The following NAAA variants were observed in gnomAD, a reference collection of about 807,000 sequenced individuals.
The protein encoded by NAAA is N-acylethanolamine acid amidase, also known as N-acylethanolamine-hydrolyzing acid amidase.
In NAAA, 39 loss-of-function variants were observed where a neutral mutation model predicts 44.8. That is an observed-to-expected ratio of 0.87 (90% CI 0.67 to 1.14). The LOEUF (loss-of-function observed/expected upper bound fraction) is 1.14, where lower values mean the gene tolerates loss of function less well. Among genes scored for constraint, NAAA ranks in the 50% most tolerant of loss-of-function variants. The probability of loss-of-function intolerance (pLI) is 0.00; values close to 1 mark genes in which losing one functional copy is unlikely to be tolerated. For missense variants in NAAA, 460 were observed against 467.8 expected (o/e 0.98, Z 0.15); for synonymous variants, 178 against 191.3 (o/e 0.93, Z 0.58).
chr4:75,938,751 C>T (rs893286694), intron 2 of NAAA, among the ~76,000 whole-genome samples: 1 of 152,258 alleles, frequency 6.6e-6, no homozygotes, highest in African/African-American at 2.4e-5. Context: ...CAAAACCTCT[C>T]TTTATTCCAG....
chr4:75,924,962 C>T (rs1214887573), intron 5 of NAAA, among the ~76,000 whole-genome samples: 1 of 152,004 alleles, frequency 6.6e-6, no homozygotes, highest in Non-Finnish European at 1.5e-5. Flanking sequence ...GCCCCTGTCT[C>T]CCTGTCTCTG....
At chr4:75,930,560 T>C (rs1727139059) in intron 4 of NAAA, 1 of 497,600 alleles carries the variant, frequency 2.0e-6, no homozygotes, top group East Asian at 5.5e-5. Context: ...CAGCATCATA[T>C]ATCCCCTAGA....
intron 9 of NAAA, chr4:75,916,995 G>A (rs1725685201): frequency 2.6e-6 from 1 of 387,806 alleles, no homozygotes; most frequent in African/African-American, 2.2e-5. Context: ...GGCCAGGCTG[G>A]TCTCGAACTC....
intron 9 of NAAA, chr4:75,917,515 A>T (rs961444693): frequency 6.4e-6 from 1 of 157,448 alleles, no homozygotes; most frequent in Non-Finnish European, 1.4e-5. Context: ...CCCAGGCTAG[A>T]CTGCCATGGC....
Position 75,936,137 on chromosome 4 carries a change from A to G in NAAA, c.470T>C (p.Val157Ala). 1.2e-6 allele frequency: 2 copies of G among 1,614,086 alleles called. No homozygotes were observed. The highest frequency in any genetic ancestry group is 1.7e-6 in the Non-Finnish European group (2 of 1,180,000). The change falls in exon 3 of 11, where the codon GTG becomes GCG. Residue 157 changes from valine to alanine, a missense_variant. Coordinates refer to ENST00000286733, the MANE Select transcript of NAAA (RefSeq NM_014435.4). ...CCCATTCTTTAAGAATTGCACATCCACTGTCAGCTTGCGTAAGACATTCCC... is the reference window on the plus strand; with the variant it reads ...CCCATTCTTTAAGAATTGCACATCCGCTGTCAGCTTGCGTAAGACATTCCC... ...PFGNVLRKLT[V>A]DVQFLKNGQI...
chr4:75,933,705 A>G (rs1379755898), intron 3 of NAAA, among the ~76,000 whole-genome samples: 1 of 152,132 alleles, frequency 6.6e-6, no homozygotes, highest in East Asian at 1.9e-4. Flanking sequence ...CTGCCTAGTC[A>G]GTTAACATAA....
Position 75,913,749 on chromosome 4 carries a change from ATAT to A in NAAA, c.*623_*625del, listed in dbSNP as rs1560495425. 1 of 982,016 alleles carries A rather than the reference ATAT, an allele frequency of 1.0e-6. No individual in the cohort carries two copies. The highest frequency in any genetic ancestry group is 1.2e-6 in the Non-Finnish European group (1 of 826,984). 60.8% of individuals were successfully genotyped at this position (982,016 alleles called of 1,614,324 possible). A position where few individuals can be genotyped will look rare whatever the true frequency, so the allele number is the denominator to read the frequency against. ...TGACATTAAGAAATAATTTGGTTGC[ATAT>A]TATTTTCAAAAAGCAGTAAGAAAGT... On this transcript the variant is annotated 3_prime_UTR_variant, in exon 11 of 11. Transcript: ENST00000286733.
rs550070850 is a variant in NAAA at position 75,935,707 on chromosome 4, T to C, written c.498+402A>G. 6 of 215,854 alleles carry C rather than the reference T, an allele frequency of 2.8e-5. No homozygotes were observed. In the South Asian group the frequency reaches 4.1e-4, roughly 15 times the overall value. 13.4% of individuals were successfully genotyped at this position (215,854 alleles called of 1,614,324 possible). On this transcript the variant is annotated intron_variant, in intron 3 of 10. Transcript: ENST00000286733. The stretch of plus-strand genomic sequence containing the variant: ...TTCACAAAGGAAGTACAGTAATTGA[T>C]AGAATCAAGATTTAAACCTGGGACT...
chr4:75,922,965 C>A, intron 5 of NAAA, among the ~76,000 whole-genome samples: 1 of 141,772 alleles, frequency 7.1e-6, no homozygotes, highest in South Asian at 2.1e-4. Context: ...AGTGCAAATG[C>A]ATCTATCTCA....
chr4:75,921,119 A>G lies in NAAA; in HGVS notation c.671T>C (p.Leu224Pro), dbSNP rs1369003169. 1.9e-6 allele frequency: 3 copies of G among 1,577,898 alleles called. No homozygotes were observed. The highest frequency in any genetic ancestry group is 2.6e-6 in the Non-Finnish European group (3 of 1,167,528). ...TGCTTCGAAGTTTTCCGACTCACTC[A>G]GGGTCTGAACGAAAGGATGAACTTG... is the stretch of plus-strand genomic sequence containing the variant. ...IPVSWLIRAT[L>P]SESENFEAAV... Residue 224 changes from leucine to proline, a missense_variant, in exon 6 of 11, where the codon CTG (leucine) becomes CCG (proline). Leu to Pro is a moderately conservative substitution (Grantham distance 98). Transcript: ENST00000286733.
intron 5 of NAAA, among the ~76,000 whole-genome samples, chr4:75,922,035 A>G (rs1302172219): frequency 2.0e-5 from 3 of 152,152 alleles, no homozygotes; most frequent in African/African-American, 7.2e-5. Flanking sequence ...CTCTGCTGCC[A>G]TGTTTTAAAG....
rs1028895990 is a variant in NAAA, at chr4:75,918,940, C to A, written c.970-151G>T. The A allele has an allele frequency of 1.7e-4, 114 of 674,246 alleles. No homozygotes were observed. In the East Asian group the frequency reaches 3.1e-3, roughly 18 times the overall value. The allele number at this position is 674,246 out of a possible 1,614,324, so 41.8% of individuals were successfully genotyped here. Reference sequence around the variant, plus strand: ...GGAGGATTACTCAAGCCCAGGAGTTCAAGACCAGCCTGGGCAACATAGAGA... The same window carrying A: ...GGAGGATTACTCAAGCCCAGGAGTTAAAGACCAGCCTGGGCAACATAGAGA... On this transcript the variant is annotated intron_variant, in intron 8 of 10. Transcript: ENST00000286733.
rs1288535948 is a variant in NAAA, at chr4:75,913,979, A to T, written c.*396T>A. 2 of 985,328 alleles carry T rather than the reference A, an allele frequency of 2.0e-6. No homozygotes were observed. Among genetic ancestry groups the T allele is most frequent in the Non-Finnish European group, 2.4e-6 (2 of 829,952 alleles). The allele number at this position is 985,328 out of a possible 1,614,324, so 61.0% of individuals were successfully genotyped here. A position where few individuals can be genotyped will look rare whatever the true frequency, so the allele number is the denominator to read the frequency against. On this transcript the variant is annotated 3_prime_UTR_variant, in exon 11 of 11. Transcript: ENST00000286733. ...GCTCTTTCAGAAGCACTTCACAATG[A>T]ACAGAGGTCTTGCCAGCTCATTTCA...
chr4:75,941,000 C>T lies in NAAA; in HGVS notation c.-51G>A. On this transcript the variant is annotated 5_prime_UTR_variant, in exon 1 of 11. Coordinates refer to ENST00000286733, the MANE Select transcript of NAAA (RefSeq NM_014435.4). ...TGGAGACCTGCAGCCGCTGTCGGAGCCCGGGTAAGCCGTGGAGGAGGAGGA... is the reference window on the plus strand; with the variant it reads ...TGGAGACCTGCAGCCGCTGTCGGAGTCCGGGTAAGCCGTGGAGGAGGAGGA... The T allele has an allele frequency of 1.4e-6, 2 of 1,419,588 alleles. No homozygotes were observed. Among genetic ancestry groups the T allele is most frequent in the East Asian group, 5.8e-5 (2 of 34,552 alleles). The allele number at this position is 1,419,588 out of a possible 1,614,324, so 87.9% of individuals were successfully genotyped here.
At chr4:75,935,087 T>A (rs1272857385) in intron 3 of NAAA, 1 of 152,240 alleles carries the variant, frequency 6.6e-6, no homozygotes, top group Non-Finnish European at 1.5e-5. Flanking sequence ...TCGTTACCAC[T>A]TAAAATCATT....
At position 75,941,000 on chromosome 4, in the gene NAAA, C is replaced by CGG; in HGVS notation, c.-52_-51insCC. On this transcript the variant is annotated 5_prime_UTR_variant, in exon 1 of 11. Transcript: ENST00000286733. ...TGGAGACCTGCAGCCGCTGTCGGAGCCCGGGTAAGCCGTGGAGGAGGAGGA... is the reference window on the plus strand; with the variant it reads ...TGGAGACCTGCAGCCGCTGTCGGAGCGGCCGGGTAAGCCGTGGAGGAGGAGGA... 1 of 1,419,588 alleles carries CGG rather than the reference C, an allele frequency of 7.0e-7. No homozygotes were observed. Among genetic ancestry groups the CGG allele is most frequent in the Non-Finnish European group, 9.1e-7 (1 of 1,095,582 alleles). The allele number at this position is 1,419,588 out of a possible 1,614,324, so 87.9% of individuals were successfully genotyped here. A position where few individuals can be genotyped will look rare whatever the true frequency, so the allele number is the denominator to read the frequency against.
intron 4 of NAAA, among the ~76,000 whole-genome samples, chr4:75,929,084 G>A (rs563567817): frequency 7.9e-5 from 12 of 151,928 alleles, no homozygotes; most frequent in African/African-American, 2.2e-4. Context: ...GATCCACCGC[G>A]CCCGGCCCAT....
rs373989461 is a variant in NAAA at position 75,936,772 on chromosome 4, G to T, written c.372-537C>A. ...TTTTCCTTTCTCTCTCCAGCTCCTT[G>T]CACAGAGATCATAATTTTAAAAAAG... On this transcript the variant is annotated intron_variant, in intron 2 of 10. Coordinates refer to ENST00000286733, the MANE Select transcript of NAAA (RefSeq NM_014435.4). 8.5e-5 allele frequency among the ~76,000 whole-genome samples: 13 copies of T among 152,212 alleles called. 1 individual carries two copies. Among genetic ancestry groups the T allele is most frequent in the African/African-American group, 3.1e-4 (13 of 41,540 alleles).
At chr4:75,939,958 C>T (rs1578094877) in intron 2 of NAAA, 43 bp downstream of exon 2, 1 of 1,606,556 alleles carries the variant, frequency 6.2e-7, no homozygotes, top group Non-Finnish European at 8.5e-7. Context: ...GTCGGGGGCC[C>T]CCGCAAGCCC....
Sources: gnomAD v4.1 joint callset for allele counts (sites outside exome capture counted in the v4.1 genomes callset) on GRCh38, gnomAD v4.1.1 for gene constraint, MANE v1.5 for transcripts, NCBI Gene and HGNC (gene_info 2026-07-23, HGNC 2026-07-21) for gene names.